The following NEBL variants were observed in gnomAD, a reference collection of about 807,000 sequenced individuals.
NEBL encodes the protein LIM and SH3 protein 2.
A neutral mutation model predicts 140.2 loss-of-function variants in NEBL; 122 were observed. The observed-to-expected ratio is 0.87, with a 90% CI of 0.75 to 1.01. NEBL has a LOEUF of 1.01. NEBL is among the 50% of genes least tolerant of loss of function. The probability of loss-of-function intolerance (pLI) is 0.00; values close to 1 mark genes in which losing one functional copy is unlikely to be tolerated. For synonymous variants in NEBL, 436 were observed against 398.9 expected, an observed-to-expected ratio of 1.09 and a Z score of -1.11; for missense variants, 1,365 against 1,231.3, an observed-to-expected ratio of 1.11 and a Z score of -1.62.
intron 9 of NEBL, among the ~76,000 whole-genome samples, chr10:20,855,769 C>G (rs956220084): frequency 6.6e-6 from 1 of 152,136 alleles, no homozygotes; most frequent in African/African-American, 2.4e-5. Flanking sequence ...AATTAAGGCA[C>G]TCATATCACT....
At chr10:21,069,718 G>C (rs145929011) in intron 2 of NEBL, among the ~76,000 whole-genome samples, 3 of 152,320 alleles carry the variant, frequency 2.0e-5, no homozygotes, top group African/African-American at 7.2e-5. Context: ...GGTGAGGATA[G>C]AAATCTCATT....
intron 2 of NEBL, among the ~76,000 whole-genome samples, chr10:21,166,248 AAAGAAAAAAAAAT>A (rs1422161601): frequency 0.026 from 2,604 of 101,084 alleles, 280 homozygotes; most frequent in African/African-American, 0.11. Flanking sequence ...AAAAAAAAGA[AAAGAAAAAAAAAT>A]TTTCTACATC....
intron 2 of NEBL, among the ~76,000 whole-genome samples, chr10:21,158,991 T>C (rs575757800): frequency 6.6e-6 from 1 of 152,346 alleles, no homozygotes; most frequent in South Asian, 2.1e-4. Context: ...TGAGCTTTTC[T>C]GATCCCATTC....
intron 3 of NEBL, among the ~76,000 whole-genome samples, chr10:20,997,995 C>T (rs1399315122): frequency 1.3e-5 from 2 of 151,596 alleles, no homozygotes; most frequent in Non-Finnish European, 2.9e-5. Context: ...TCAAATGGAG[C>T]CAAAAAATAA....
chr10:20,972,548 T>C (rs191749364), intron 3 of NEBL, among the ~76,000 whole-genome samples: 2 of 152,024 alleles, frequency 1.3e-5, no homozygotes, highest in Non-Finnish European at 1.5e-5. Context: ...ATCAAGACCA[T>C]CCTGGCCAAC....
Position 21,258,809 on chromosome 10 carries a change from G to T in NEBL, n.183-6981C>A, listed in dbSNP as rs1842698592. Reference sequence around the variant, plus strand: ...CAGGAGAATTACTTGAACTCAGGAAGCAGAGGTTGCAATGAGCCGAGATCA... The same window carrying T: ...CAGGAGAATTACTTGAACTCAGGAATCAGAGGTTGCAATGAGCCGAGATCA... On this transcript the variant is annotated intron_variant and non_coding_transcript_variant, in intron 1 of 8. Transcript: ENST00000675702. Among the ~76,000 whole-genome samples the T allele has an allele frequency of 3.3e-5, 5 of 152,276 alleles. No individual in the cohort carries two copies. The South Asian group carries it at 1.0e-3, about 32-fold the overall frequency.
chr10:20,921,543 C>T (rs1193191760), intron 4 of NEBL, among the ~76,000 whole-genome samples: 5 of 152,170 alleles, frequency 3.3e-5, no homozygotes, highest in Admixed American at 6.5e-5. Context: ...TGGCAGCATC[C>T]CCTCCCACAA....
Position 21,083,656 on chromosome 10 carries a change from G to T in NEBL, c.165-63455C>A, listed in dbSNP as rs191043136. On this transcript the variant is annotated intron_variant, in intron 2 of 6. Coordinates refer to the NEBL transcript ENST00000417816. ...GCTCAGGAGTTCGAGAACAGCCTGG[G>T]CAACATGGCAAAATCCCGTCTCTAC... Among the ~76,000 whole-genome samples the T allele has an allele frequency of 1.8e-3, 270 of 152,180 alleles. 3 individuals are homozygous for T. In the South Asian group the frequency reaches 0.024, roughly 13 times the overall value.
intron 2 of NEBL, chr10:21,029,170 AATG>A (rs1696873398): frequency 6.0e-6 from 8 of 1,338,586 alleles, no homozygotes; most frequent in Non-Finnish European, 8.6e-6. Context: ...TTGACACAGT[AATG>A]ATAACAATGT....
At chr10:20,801,557 G>A (rs1429510759) in intron 26 of NEBL, among the ~76,000 whole-genome samples, 1 of 152,008 alleles carries the variant, frequency 6.6e-6, no homozygotes, top group Non-Finnish European at 1.5e-5. Flanking sequence ...TGAGCACAAT[G>A]GTTTTATGCA....
At chr10:20,996,895 A>G (rs1837689246) in intron 3 of NEBL, among the ~76,000 whole-genome samples, 2 of 152,182 alleles carry the variant, frequency 1.3e-5, no homozygotes, top group Non-Finnish European at 2.9e-5. Flanking sequence ...TAAACCCCAG[A>G]ATACATTTGG....
At chr10:21,207,230 T>G (rs1478063309) in intron 3 of NEBL, among the ~76,000 whole-genome samples, 1 of 152,000 alleles carries the variant, frequency 6.6e-6, no homozygotes, top group Non-Finnish European at 1.5e-5. Context: ...TGCCTTGGCC[T>G]CCCAAAGTGC....
chr10:20,901,072 A>T (rs1036063609), upstream of NEBL, among the ~76,000 whole-genome samples: 6 of 152,070 alleles, frequency 3.9e-5, no homozygotes, highest in African/African-American at 1.5e-4. Flanking sequence ...TCACAAACAC[A>T]AGCTTTTTTT....
At chr10:21,046,555 A>T (rs557477530) in intron 2 of NEBL, among the ~76,000 whole-genome samples, 13 of 152,338 alleles carry the variant, frequency 8.5e-5, no homozygotes, top group African/African-American at 3.1e-4. Context: ...GCTTTAAAAA[A>T]TTTGGATTCT....
chr10:20,826,664 C>T (rs752095239), intron 17 of NEBL, 125 bp from the exon 18 acceptor site: 21 of 758,910 alleles, frequency 2.8e-5, no homozygotes, highest in African/African-American at 2.1e-4. Context: ...TTATGAGTGC[C>T]GGAATTATAG....
chr10:20,964,299 G>A (rs1836190702), intron 3 of NEBL, among the ~76,000 whole-genome samples: 1 of 152,156 alleles, frequency 6.6e-6, no homozygotes, highest in Non-Finnish European at 1.5e-5. Flanking sequence ...AAGGGGTTGT[G>A]TCATTTATTT....
At chr10:20,977,575 G>A (rs976461349) in intron 3 of NEBL, among the ~76,000 whole-genome samples, 2 of 152,128 alleles carry the variant, frequency 1.3e-5, no homozygotes, top group African/African-American at 4.8e-5. Flanking sequence ...AGGAGGAGGA[G>A]GAGGAGCTGC....
chr10:21,274,248 G>A (rs1310463457), intron 1 of NEBL, among the ~76,000 whole-genome samples: 1 of 152,126 alleles, frequency 6.6e-6, no homozygotes, highest in Non-Finnish European at 1.5e-5. Context: ...AACAATGCAG[G>A]AGTTATGGGT....
At chr10:21,194,409 C>A (rs1052650751) in intron 3 of NEBL, among the ~76,000 whole-genome samples, 22 of 152,122 alleles carry the variant, frequency 1.4e-4, no homozygotes, top group African/African-American at 5.1e-4. Context: ...TGTTTAACAA[C>A]AAATCATTAA....
Sources: allele counts gnomAD v4.1 joint callset (sites outside exome capture counted in the v4.1 genomes callset), GRCh38; gene constraint gnomAD v4.1.1; transcripts MANE v1.5; gene names NCBI Gene and HGNC (gene_info 2026-07-23, HGNC 2026-07-21).